The following MBD1 variants were observed in gnomAD, a reference collection of about 807,000 sequenced individuals.
The protein encoded by MBD1 is methyl-CpG binding domain protein 1, also known as methyl-CpG-binding domain protein 1.
MBD1 carries 25 observed loss-of-function variants against 82.6 expected under a neutral mutation model. That is an observed-to-expected ratio of 0.30 (90% CI 0.22 to 0.42). The LOEUF is 0.42. Among genes scored for constraint, MBD1 ranks in the 10% least tolerant of loss-of-function variants. MBD1 has a pLI of 1.00. For missense variants in MBD1, 627 were observed against 819.6 expected (o/e 0.76, Z 2.87); for synonymous variants, 301 against 303.7 (o/e 0.99, Z 0.09).
downstream of MBD1, among the ~76,000 whole-genome samples, chr18:50,268,180 A>G (rs2034158791): frequency 6.6e-6 from 1 of 152,188 alleles, no homozygotes; most frequent in African/African-American, 2.4e-5. Flanking sequence ...CACCCCCACC[A>G]CACATCCTCC....
rs759614155 is a variant in MBD1 at position 50,275,634 on chromosome 18, C to A, written c.758G>T (p.Arg253Leu). 6.2e-7 allele frequency: 1 copy of A among 1,614,094 alleles called. No individual in the cohort carries two copies. The highest frequency in any genetic ancestry group is 1.1e-5 in the South Asian group (1 of 91,094). The change falls in exon 8 of 17, where the codon CGC (arginine) becomes CTC (leucine). Residue 253 changes from arginine (R) to leucine (L), a missense_variant. Transcript: ENST00000269468. ...CLRPPRPGLR[R>L]QWKCVQRRCL... ...ACGTCGCTGGACACATTTCCACTGG[C>A]GCCTGAGACCAGGGCGGGGAGGGCG...
At chr18:50,275,401 C>T (rs772893144) in intron 8 of MBD1, 156 bp from the exon 9 acceptor site, 45 of 1,607,278 alleles carry the variant, frequency 2.8e-5, no homozygotes, top group Non-Finnish European at 3.5e-5. Flanking sequence ...GGGAGTGCGT[C>T]GCTGACATCT....
chr18:50,279,474 T>C (rs570049891), intron 2 of MBD1, among the ~76,000 whole-genome samples: 2 of 152,308 alleles, frequency 1.3e-5, no homozygotes, highest in Admixed American at 6.5e-5. Context: ...CACAGAACAC[T>C]AAACAGCACC....
In MBD1 at chr18:50,274,113, G is replaced by A. The variant is rs910455055; in HGVS notation, c.1146+73C>T. 3.1e-6 allele frequency: 5 copies of A among 1,594,726 alleles called. No individual in the cohort carries two copies. The African/African-American group carries it at 5.4e-5, about 17-fold the overall frequency. On this transcript the variant is annotated intron_variant, in intron 11 of 16. Transcript: ENST00000269468. The stretch of plus-strand genomic sequence containing the variant: ...CCCCACCCACCCACCTACCAAGCCT[G>A]CCCACCACTTCCAGGCACTGGGGCG...
chr18:50,275,137 T>C lies in MBD1; in HGVS notation c.901A>G (p.Thr301Ala), dbSNP rs762686361. The C allele has an allele frequency of 3.1e-5, 50 of 1,613,750 alleles. No individual in the cohort carries two copies. Among genetic ancestry groups the C allele is most frequent in the Non-Finnish European group, 4.1e-5 (48 of 1,179,816 alleles). Reference sequence around the variant, plus strand: ...ACCCACTGGGGCCTCACCGGCTCTGTGGGCTCTGGGGACTGTGATGGGGGT... The same window carrying C: ...ACCCACTGGGGCCTCACCGGCTCTGCGGGCTCTGGGGACTGTGATGGGGGT... ...PPPPSQSPEP[T>A]EPHPRALAPS... The change falls in exon 9 of 17, where the codon ACA (threonine) becomes GCA (alanine). Residue 301 changes from threonine to alanine, a missense_variant. Thr to Ala is a moderately conservative substitution (Grantham distance 58). Coordinates refer to ENST00000269468, the MANE Select transcript of MBD1 (RefSeq NM_015846.4).
chr18:50,272,741 AGAG>A lies in MBD1; in HGVS notation c.1717-6_1717-4del. The A allele has an allele frequency of 6.2e-7, 1 of 1,614,206 alleles. No homozygotes were observed. On this transcript the variant is annotated splice_region_variant and splice_polypyrimidine_tract_variant and intron_variant, in intron 14 of 16. Coordinates refer to ENST00000269468, the MANE Select transcript of MBD1 (RefSeq NM_015846.4). ...CCCAGGCTGAAAATCTCCGTGATCTAGAGAAGAATTAACACCATAGGTCAATGT... is the reference window on the plus strand; with the variant it reads ...CCCAGGCTGAAAATCTCCGTGATCTAAAGAATTAACACCATAGGTCAATGT...
chr18:50,277,249 C>T (rs1337165693), intron 2 of MBD1, 45 bp from the exon 3 acceptor site: 3 of 1,446,498 alleles, frequency 2.1e-6, no homozygotes, highest in Non-Finnish European at 2.9e-6. Context: ...GGAGCCAATG[C>T]CATTTCACTC....
In MBD1 at chr18:50,271,492, G is replaced by A. The variant is rs529261171; in HGVS notation, c.*9C>T. ...ACCTTGAATCCTACAGTCTGTAGAA[G>A]CCTCCAGTCTACTGCTTTCTAGCTC... On this transcript the variant is annotated 3_prime_UTR_variant, in exon 16 of 17. Transcript: ENST00000269468. 7.4e-6 allele frequency: 12 copies of A among 1,614,056 alleles called. No homozygotes were observed. The South Asian group carries it at 1.2e-4, about 16-fold the overall frequency.
At chr18:50,274,035 C>T in intron 11 of MBD1, 151 bp downstream of exon 11, 2 of 1,323,466 alleles carry the variant, frequency 1.5e-6, no homozygotes, top group Non-Finnish European at 2.2e-6. Context: ...CCAATGCCAC[C>T]TAGACTCATT....
Position 50,273,727 on chromosome 18 carries a change from C to A in MBD1, c.1283G>T (p.Arg428Leu). The A allele has an allele frequency of 6.2e-7, 1 of 1,614,146 alleles. No individual in the cohort carries two copies. The highest frequency in any genetic ancestry group is 8.5e-7 in the Non-Finnish European group (1 of 1,180,040). The change falls in exon 12 of 17, where the codon CGC (arginine) becomes CTC (leucine). Residue 428 changes from arginine to leucine, a missense_variant. Coordinates refer to ENST00000269468, the MANE Select transcript of MBD1 (RefSeq NM_015846.4). ...CTGGGTATGGTCTGGTTGGGCTGTG[C>A]GTGTAGCCAAGGTGGGCTTCAAGGT... is the stretch of plus-strand genomic sequence containing the variant. ...GPTLKPTLAT[R>L]TAQPDHTQAP...
chr18:50,276,130 C>A, intron 6 of MBD1, 149 bp from the exon 7 acceptor site: 2 of 1,050,100 alleles, frequency 1.9e-6, no homozygotes, highest in Non-Finnish European at 2.8e-6. Context: ...GGTTAGTCAC[C>A]ATCACTGAGG....
chr18:50,272,682 C>G lies in MBD1; in HGVS notation c.1773G>C (p.Leu591Phe). The part of the protein sequence containing the change: ...GTRFRDTAVW[L>F]PRSKDLKKPG... ...CCTCACTGTGTGGGGCACACCTTGGCAACCAGACTGCTGTATCTCGGAAGC... is the reference window on the plus strand; with the variant it reads ...CCTCACTGTGTGGGGCACACCTTGGGAACCAGACTGCTGTATCTCGGAAGC... The change falls in exon 15 of 17, where the codon TTG (leucine) becomes TTC (phenylalanine). Residue 591 changes from leucine (L) to phenylalanine (F), a missense_variant. Leu to Phe is a conservative substitution (Grantham distance 22). This residue lies in a region of MBD1 where 265 missense variants were observed against 278.4 expected (regional missense o/e 0.95). Transcript: ENST00000269468. 6.2e-7 allele frequency: 1 copy of G among 1,614,174 alleles called. No homozygotes were observed. The highest frequency in any genetic ancestry group is 1.3e-5 in the African/African-American group (1 of 75,044).
Position 50,269,352 on chromosome 18 carries a change from G to A in MBD1, c.*499C>T. On this transcript the variant is annotated 3_prime_UTR_variant, in exon 17 of 17. Coordinates refer to ENST00000269468, the MANE Select transcript of MBD1 (RefSeq NM_015846.4). ...GCTTTGTAATGTGTCACCTTGGTGAGGCTATGTTTCCCGGAACTCTCTTCC... is the reference window on the plus strand; with the variant it reads ...GCTTTGTAATGTGTCACCTTGGTGAAGCTATGTTTCCCGGAACTCTCTTCC... 2 of 1,326,554 alleles carry A rather than the reference G, an allele frequency of 1.5e-6. No individual in the cohort carries two copies. Among genetic ancestry groups the A allele is most frequent in the Admixed American group, 3.1e-5 (1 of 32,040 alleles). 82.2% of individuals were successfully genotyped at this position (1,326,554 alleles called of 1,614,324 possible).
rs761177845 is a variant in MBD1, at chr18:50,275,218, A to G, written c.820T>C (p.Cys274Arg). Residue 274 changes from cysteine to arginine, a missense_variant, in exon 9 of 17, where the codon TGT becomes CGT. Cys to Arg is a radical substitution (Grantham distance 180). Transcript: ENST00000269468. ...CGCCTGGCAGCCATCTTGGAGTCAC[A>G]GCCTCCCTTGCGGCGGGCATGTTTA... ...RGKHARRKGG[C>R]DSKMAARRRP... is the part of the protein sequence containing the mutation. 12 of 1,614,036 alleles carry G rather than the reference A, an allele frequency of 7.4e-6. No homozygotes were observed. Among genetic ancestry groups the G allele is most frequent in the Non-Finnish European group, 1.0e-5 (12 of 1,180,024 alleles).
At chr18:50,267,875 GGTAT>G (rs1371095490), downstream of MBD1, among the ~76,000 whole-genome samples, 1 of 152,158 alleles carries the variant, frequency 6.6e-6, no homozygotes, top group Non-Finnish European at 1.5e-5. Flanking sequence ...TTTTGTATGT[GGTAT>G]GTTTCTAAAT....
rs758458642 is a variant in MBD1 at position 50,273,837 on chromosome 18, T to C, written c.1173A>G (p.Ser391=). 6 of 1,613,362 alleles carry C rather than the reference T, an allele frequency of 3.7e-6. No homozygotes were observed. The Admixed American group carries it at 6.7e-5, about 18-fold the overall frequency. Residue 391 remains serine, a synonymous_variant, in exon 12 of 17, where the codon TCA becomes TCG. Coordinates refer to ENST00000269468, the MANE Select transcript of MBD1 (RefSeq NM_015846.4). ...GCGATCCTGCCCCATCCTCAGACTC[T>C]GACCAGACACTGGGCAGCAGCCGCT... The part of the protein sequence containing the change: ...AMKRLLPSVW[S]ESEDGAGSPP...
intron 2 of MBD1, 69 bp downstream of exon 2, chr18:50,279,814 C>A: frequency 6.2e-7 from 1 of 1,602,376 alleles, no homozygotes; most frequent in Admixed American, 1.7e-5. Context: ...TAAATTTAAC[C>A]ACACCATTTG....
chr18:50,269,603 C>T lies in MBD1; in HGVS notation c.*248G>A. 1.4e-6 allele frequency: 1 copy of T among 719,346 alleles called. No individual in the cohort carries two copies. Among genetic ancestry groups the T allele is most frequent in the Non-Finnish European group, 2.6e-6 (1 of 385,396 alleles). 44.6% of individuals were successfully genotyped at this position (719,346 alleles called of 1,614,324 possible). The stretch of plus-strand genomic sequence containing the variant: ...TTCCCCAGGATCATCCTTTCAGCTT[C>T]TCTAATTCCTGGGCCAGATGCATAT... On this transcript the variant is annotated 3_prime_UTR_variant, in exon 17 of 17. Transcript: ENST00000269468.
chr18:50,279,394 A>G (rs1038871761), intron 2 of MBD1, among the ~76,000 whole-genome samples: 3 of 152,230 alleles, frequency 2.0e-5, no homozygotes, highest in Non-Finnish European at 4.4e-5. Flanking sequence ...AGCCAACAGC[A>G]TTGTAACTCA....
Sources: allele counts gnomAD v4.1 joint callset (sites outside exome capture counted in the v4.1 genomes callset), GRCh38; gene constraint gnomAD v4.1.1; regional missense constraint gnomAD v4.1.1; transcripts MANE v1.5; gene names NCBI Gene and HGNC (gene_info 2026-07-23, HGNC 2026-07-21).